Variants in PURG observed in about 807,000 individuals in gnomAD.
PURG encodes the protein purine-rich element-binding protein gamma.
In PURG, 3 loss-of-function variants were observed where a neutral mutation model predicts 24.3. The observed-to-expected ratio is 0.12, with a 90% CI of 0.06 to 0.32. The LOEUF is 0.32. Ranked by LOEUF, PURG falls within the 10% of genes least tolerant of loss-of-function variation. The pLI, the probability that PURG is intolerant of heterozygous loss-of-function variation, is 1.00. For missense variants in PURG, 371 were observed against 439.1 expected, an observed-to-expected ratio of 0.84 and a Z score of 1.39; for synonymous variants, 180 against 173.1, an observed-to-expected ratio of 1.04 and a Z score of -0.31.
At chr8:31,000,517 G>A (rs1585350943) in intron 1 of PURG, among the ~76,000 whole-genome samples, 1 of 152,136 alleles carries the variant, frequency 6.6e-6, no homozygotes, top group South Asian at 2.1e-4. Flanking sequence ...TTGTTCAGAG[G>A]AGAGAGAGAA....
rs1010842475 is a variant in PURG, at chr8:31,030,917, C to T, written c.*822G>A. ...TTTAAATTAGCATGAAAAGCTACACCACCAAGATTTCCATAGCAAAGCCAT... is the reference window on the plus strand; with the variant it reads ...TTTAAATTAGCATGAAAAGCTACACTACCAAGATTTCCATAGCAAAGCCAT... On this transcript the variant is annotated 3_prime_UTR_variant, in exon 2 of 2. Coordinates refer to ENST00000523392, the MANE Select transcript of PURG (RefSeq NM_001323311.2). 3 of 152,166 alleles carry T rather than the reference C, an allele frequency of 2.0e-5. No homozygotes were observed. Among genetic ancestry groups the T allele is most frequent in the African/African-American group, 7.3e-5 (3 of 41,378 alleles). The allele number at this position is 152,166 out of a possible 1,614,324, so 9.4% of individuals were successfully genotyped here.
intron 1 of PURG, among the ~76,000 whole-genome samples, chr8:31,003,734 C>A (rs1810586857): frequency 2.6e-5 from 4 of 151,866 alleles, no homozygotes; most frequent in African/African-American, 9.7e-5. Flanking sequence ...TGCAATCCAG[C>A]CTGGGTGACA....
Position 31,031,654 on chromosome 8 carries a change from G to T in PURG, c.*85C>A. On this transcript the variant is annotated 3_prime_UTR_variant, in exon 2 of 2. Coordinates refer to ENST00000523392, the MANE Select transcript of PURG (RefSeq NM_001323311.2). ...ACTAATAACAACGGGCCAAAAAAGA[G>T]GAAAAACTTCTTCAAAGGATAATGG... 1 of 1,349,298 alleles carries T rather than the reference G, an allele frequency of 7.4e-7. No individual in the cohort carries two copies. Among genetic ancestry groups the T allele is most frequent in the South Asian group, 1.5e-5 (1 of 65,936 alleles). 83.6% of individuals were successfully genotyped at this position (1,349,298 alleles called of 1,614,324 possible). A position where few individuals can be genotyped will look rare whatever the true frequency, so the allele number is the denominator to read the frequency against.
intron 1 of PURG, among the ~76,000 whole-genome samples, chr8:30,998,136 C>G (rs895223859): frequency 2.0e-5 from 3 of 151,626 alleles, no homozygotes; most frequent in African/African-American, 7.2e-5. Flanking sequence ...AATGAAAAAG[C>G]CTTCAAATTT....
rs1811239441 is a variant in PURG at position 31,032,337 on chromosome 8, C to G, written c.446G>C (p.Arg149Thr). The G allele has an allele frequency of 4.3e-6, 7 of 1,613,154 alleles. No homozygotes were observed. Among genetic ancestry groups the G allele is most frequent in the Non-Finnish European group, 5.9e-6 (7 of 1,180,016 alleles). Residue 149 changes from arginine (R) to threonine (T), a missense_variant, in exon 2 of 2, where the codon AGG (arginine) becomes ACG (threonine). Arg to Thr is a moderately conservative substitution (Grantham distance 71). Around this residue, in one of 5 missense-constraint regions of PURG, gnomAD observed 213 missense variants for 230.6 expected, o/e 0.92. Coordinates refer to ENST00000523392, the MANE Select transcript of PURG (RefSeq NM_001323311.2). This position sits in a 1 kb window ranked among gnomAD's most constrained non-coding sequence, Gnocchi z 5.9. Reference protein sequence around the residue: ...GHSKEQGSRRRQKHSAPSPPV... With the variant: ...GHSKEQGSRRTQKHSAPSPPV... ...TGGGGAGGGTGCCGAGTGCTTCTGC[C>G]TCCTTCTGGAGCCTTGCTCTTTGCT...
chr8:31,023,563 T>TAATA (rs1291608293), intron 1 of PURG, among the ~76,000 whole-genome samples: 19 of 149,716 alleles, frequency 1.3e-4, no homozygotes, highest in East Asian at 7.8e-4. Flanking sequence ...AAAAAAGTAA[T>TAATA]AATAAATAAA....
intron 1 of PURG, among the ~76,000 whole-genome samples, chr8:31,023,884 T>A (rs1811045805): frequency 6.6e-6 from 1 of 152,196 alleles, no homozygotes; most frequent in Non-Finnish European, 1.5e-5. Flanking sequence ...CAATGTGATC[T>A]ATGGTTATTT....
chr8:31,003,290 A>G (rs1810575725), intron 1 of PURG, among the ~76,000 whole-genome samples: 1 of 152,218 alleles, frequency 6.6e-6, no homozygotes, highest in African/African-American at 2.4e-5. Flanking sequence ...GAAATAAGAA[A>G]AGCGAATGAG....
rs11995236 is a variant in PURG, at chr8:31,017,297, T to G, written c.864+14622A>C. Among the ~76,000 whole-genome samples, 363 of 152,158 alleles carry G rather than the reference T, an allele frequency of 2.4e-3. 1 individual carries two copies. Among genetic ancestry groups the G allele is most frequent in the Non-Finnish European group, 4.4e-3 (302 of 67,986 alleles). On this transcript the variant is annotated intron_variant, in intron 1 of 1. Transcript: ENST00000339382. ...TCTCCAGGGACAAGAAAAAGGTGAATAGGATTGGGATCTCTTTTAAAAATT... is the reference window on the plus strand; with the variant it reads ...TCTCCAGGGACAAGAAAAAGGTGAAGAGGATTGGGATCTCTTTTAAAAATT...
chr8:31,008,686 C>T (rs551929197), intron 1 of PURG, among the ~76,000 whole-genome samples: 41 of 152,212 alleles, frequency 2.7e-4, no homozygotes, highest in African/African-American at 9.4e-4. Context: ...AATATAATTC[C>T]CTGAACTTTA....
At chr8:31,001,700 A>G (rs1585351591) in intron 1 of PURG, among the ~76,000 whole-genome samples, 1 of 151,880 alleles carries the variant, frequency 6.6e-6, no homozygotes, top group Admixed American at 6.6e-5. Flanking sequence ...TCACTATAAC[A>G]CTCTCCTACC....
Position 30,996,710 on chromosome 8 carries a change from T to C in PURG, c.865-13A>G, listed in dbSNP as rs766310472. On this transcript the variant is annotated splice_polypyrimidine_tract_variant and intron_variant, in intron 1 of 1. Transcript: ENST00000339382. ...GGTAATTTGTGAGCTAAAGAAAAAA[T>C]ATTAATTTGAATTTAGCAAACATGA... 3.8e-6 allele frequency: 6 copies of C among 1,582,652 alleles called. No homozygotes were observed. The African/African-American group carries it at 4.0e-5, about 11-fold the overall frequency.
chr8:31,022,536 C>T (rs1811016953), intron 1 of PURG, among the ~76,000 whole-genome samples: 1 of 152,180 alleles, frequency 6.6e-6, no homozygotes, highest in Admixed American at 6.5e-5. Flanking sequence ...GCTCTGGTCT[C>T]TATTATGTTT....
chr8:31,014,364 G>A (rs1810815930), intron 1 of PURG, among the ~76,000 whole-genome samples: 1 of 152,160 alleles, frequency 6.6e-6, no homozygotes, highest in Non-Finnish European at 1.5e-5. Context: ...TTATTTAGAT[G>A]TGTATTGCTT....
In PURG at chr8:31,006,518, C is replaced by CAAAACAAAAACA. The variant is rs74998207; in HGVS notation, c.865-9833_865-9822dup. The stretch of plus-strand genomic sequence containing the variant: ...CTGAGGCAAGAGAATAGCTCCGTCT[C>CAAAACAAAAACA]AAAACAAAAACAAAAACAAAAACAA... On this transcript the variant is annotated intron_variant, in intron 1 of 1. Coordinates refer to the PURG transcript ENST00000339382. Among the ~76,000 whole-genome samples, 109 of 150,886 alleles carry CAAAACAAAAACA rather than the reference C, an allele frequency of 7.2e-4. 1 individual carries two copies. The highest frequency in any genetic ancestry group is 5.0e-3 in the East Asian group (25 of 5,050).
At chr8:31,001,311 A>C (rs1352171518) in intron 1 of PURG, among the ~76,000 whole-genome samples, 1 of 152,182 alleles carries the variant, frequency 6.6e-6, no homozygotes, top group East Asian at 1.9e-4. Flanking sequence ...TTTCTACCCT[A>C]TAATTTAATA....
At chr8:31,019,980 G>T (rs555561239) in intron 1 of PURG, among the ~76,000 whole-genome samples, 104 of 152,022 alleles carry the variant, frequency 6.8e-4, no homozygotes, top group Middle Eastern at 3.4e-3. Flanking sequence ...AGACCAGCCT[G>T]GCCAACATGG....
rs149106158 is a variant in PURG at position 31,010,045 on chromosome 8, C to T, written c.865-13348G>A. ...CCCAGAAGTCAAGGCTGCAGTGAGC[C>T]GTCACTGCACCACTGCACTCCGGCC... On this transcript the variant is annotated intron_variant, in intron 1 of 1. Transcript: ENST00000339382. Among the ~76,000 whole-genome samples, 274 of 151,498 alleles carry T rather than the reference C, an allele frequency of 1.8e-3. 1 individual carries two copies. The highest frequency in any genetic ancestry group is 6.2e-3 in the African/African-American group (257 of 41,198).
intron 1 of PURG, among the ~76,000 whole-genome samples, chr8:31,013,961 C>T (rs184864364): frequency 2.4e-4 from 37 of 152,266 alleles, no homozygotes; most frequent in Non-Finnish European, 4.6e-4. Flanking sequence ...ATTACTGAAT[C>T]AGCTGCAACA....
Sources: gnomAD v4.1 joint callset for allele counts (sites outside exome capture counted in the v4.1 genomes callset) on GRCh38, gnomAD v4.1.1 for gene constraint, gnomAD v4.1.1 regional missense constraint, Gnocchi (gnomAD v3.1) non-coding constraint, MANE v1.5 for transcripts, NCBI Gene and HGNC (gene_info 2026-07-23, HGNC 2026-07-21) for gene names.